TMEM132B: variants seen among roughly 807,000 people sequenced by gnomAD.
TMEM132B encodes the protein transmembrane protein 132B.
TMEM132B carries 18 observed loss-of-function variants against 90.8 expected under a neutral mutation model. The ratio of observed to expected loss-of-function variants is 0.20; its 90% CI spans 0.14 to 0.29. The LOEUF is 0.29. Among genes scored for constraint, TMEM132B ranks in the 10% least tolerant of loss-of-function variants. The pLI is 1.00. For synonymous variants in TMEM132B, 504 were observed against 523.3 expected, an observed-to-expected ratio of 0.96 and a Z score of 0.50; for missense variants, 1,096 against 1,326.8, an observed-to-expected ratio of 0.83 and a Z score of 2.70.
chr12:125,404,992 C>T (rs1055303230), intron 2 of TMEM132B, among the ~76,000 whole-genome samples: 1 of 152,214 alleles, frequency 6.6e-6, no homozygotes, highest in African/African-American at 2.4e-5. Flanking sequence ...ACACCTGTAG[C>T]ACTCCGTCTG....
At position 125,652,625 on chromosome 12, in the gene TMEM132B, C is replaced by G; in HGVS notation, c.2099C>G (p.Pro700Arg). The change falls in exon 8 of 9, where the codon CCA becomes CGA. Residue 700 changes from proline (P) to arginine (R), a missense_variant. Physicochemically the swap from Pro to Arg is moderately radical, Grantham distance 103 (BLOSUM62 -2). Transcript: ENST00000682704. The part of the protein sequence containing the change: ...TAAALDVLQS[P>R]QQEAIVSSWI... ...GCTGCCCTGGATGTTCTTCAGTCCCCACAGCAGGTGAGCGTTCCAGGGGCC... is the reference window on the plus strand; with the variant it reads ...GCTGCCCTGGATGTTCTTCAGTCCCGACAGCAGGTGAGCGTTCCAGGGGCC... 6.2e-7 allele frequency: 1 copy of G among 1,611,480 alleles called. No individual in the cohort carries two copies. The highest frequency in any genetic ancestry group is 8.5e-7 in the Non-Finnish European group (1 of 1,178,690).
chr12:125,383,204 A>G (rs948326162), intron 2 of TMEM132B, among the ~76,000 whole-genome samples: 7 of 152,082 alleles, frequency 4.6e-5, no homozygotes, highest in Admixed American at 1.3e-4. Context: ...GGATTGCAGT[A>G]GAGTGTGAGG....
chr12:125,621,229 G>T (rs997967474), intron 5 of TMEM132B, among the ~76,000 whole-genome samples: 2 of 152,126 alleles, frequency 1.3e-5, no homozygotes, highest in Admixed American at 6.6e-5. Context: ...GTTACTATTG[G>T]AGAGACGGGG....
At chr12:125,494,284 C>G (rs1882455047) in intron 3 of TMEM132B, among the ~76,000 whole-genome samples, 1 of 138,724 alleles carries the variant, frequency 7.2e-6, no homozygotes, top group Non-Finnish European at 1.6e-5. Context: ...CTGCATCCCT[C>G]CTCCCCCTCC....
intron 5 of TMEM132B, among the ~76,000 whole-genome samples, chr12:125,604,826 G>A (rs1222790719): frequency 6.6e-6 from 1 of 152,178 alleles, no homozygotes. Context: ...GGCACTTTGT[G>A]GCAGACAATT....
chr12:125,467,718 G>A (rs547215405), intron 3 of TMEM132B, among the ~76,000 whole-genome samples: 6 of 152,110 alleles, frequency 3.9e-5, no homozygotes, highest in Non-Finnish European at 5.9e-5. Context: ...AAACTATTTC[G>A]TCACCCTGTA....
At chr12:125,465,014 T>A (rs981194912) in intron 3 of TMEM132B, among the ~76,000 whole-genome samples, 4 of 152,244 alleles carry the variant, frequency 2.6e-5, no homozygotes, top group Non-Finnish European at 4.4e-5. Context: ...AATTTGCTAA[T>A]GTCACTTGTG....
chr12:125,494,963 TCCCTCCTCC>T (rs1882505998), intron 3 of TMEM132B, among the ~76,000 whole-genome samples: 1 of 104,194 alleles, frequency 9.6e-6, no homozygotes, highest in Non-Finnish European at 1.9e-5. Flanking sequence ...AATGGATGCG[TCCCTCCTCC>T]CCCTCCTCCC....
Position 125,254,902 on chromosome 12 carries a change from C to T in TMEM132B, c.67+68036C>T, listed in dbSNP as rs544000434. Among the ~76,000 whole-genome samples, 57 of 152,168 alleles carry T rather than the reference C, an allele frequency of 3.7e-4. 1 individual carries two copies. The highest frequency in any genetic ancestry group is 6.9e-4 in the Non-Finnish European group (47 of 67,992). On this transcript the variant is annotated intron_variant, in intron 1 of 8. Coordinates refer to ENST00000682704, the MANE Select transcript of TMEM132B (RefSeq NM_001366854.1). The stretch of plus-strand genomic sequence containing the variant: ...GTTTTGCCATGTTGGGCAGGCTGAT[C>T]TCAAACTCCTGATCTCAGGCAATCC...
chr12:125,285,128 C>T (rs1419181945), intron 1 of TMEM132B, among the ~76,000 whole-genome samples: 2 of 152,184 alleles, frequency 1.3e-5, no homozygotes, highest in Non-Finnish European at 2.9e-5. Context: ...TCTCATTGGA[C>T]CAACTTGTGT....
intron 2 of TMEM132B, among the ~76,000 whole-genome samples, chr12:125,390,814 C>CAA (rs72522586): frequency 0.63 from 95,857 of 151,674 alleles, 31,084 homozygotes; most frequent in East Asian, 0.95. Context: ...ACTGAAACCT[C>CAA]GAGAGAGAGA....
chr12:125,581,937 G>A (rs1885063412), intron 4 of TMEM132B, among the ~76,000 whole-genome samples: 1 of 152,118 alleles, frequency 6.6e-6, no homozygotes, highest in Non-Finnish European at 1.5e-5. Context: ...GCAGAGGGGA[G>A]TGCTCAGGAA....
intron 4 of TMEM132B, among the ~76,000 whole-genome samples, chr12:125,580,573 C>T (rs913406522): frequency 6.6e-6 from 1 of 152,190 alleles, no homozygotes; most frequent in African/African-American, 2.4e-5. Flanking sequence ...GATACTACAG[C>T]ACTAGAAAGT....
intron 5 of TMEM132B, among the ~76,000 whole-genome samples, chr12:125,606,306 T>C (rs898535550): frequency 2.1e-5 from 3 of 144,666 alleles, no homozygotes; most frequent in African/African-American, 7.8e-5. Context: ...CAAGGACTGA[T>C]TTCTTTCCTT....
At chr12:125,202,909 C>T (rs1248689544) in intron 1 of TMEM132B, among the ~76,000 whole-genome samples, 1 of 152,160 alleles carries the variant, frequency 6.6e-6, no homozygotes, top group Non-Finnish European at 1.5e-5. Flanking sequence ...ATGAACTTCC[C>T]CAGTACGTGA....
chr12:125,452,918 A>G (rs1388461034), intron 3 of TMEM132B, among the ~76,000 whole-genome samples: 2 of 151,978 alleles, frequency 1.3e-5, no homozygotes, highest in African/African-American at 4.8e-5. Context: ...TTCCCTTCAC[A>G]TTTTCATGGA....
chr12:125,253,042 G>A (rs753312457), intron 1 of TMEM132B, among the ~76,000 whole-genome samples: 34 of 152,202 alleles, frequency 2.2e-4, no homozygotes, highest in Admixed American at 5.2e-4. Context: ...CTTCCTCCTC[G>A]AGAGATGCTG....
rs60739492 is a variant in TMEM132B at position 125,260,922 on chromosome 12, TTGTG to T, written c.67+74081_67+74084del. On this transcript the variant is annotated intron_variant, in intron 1 of 8. Transcript: ENST00000682704. ...CAGAGCGAGACCCTGTCTCTACAGATTGTGTGTGTGTGTGTGTGTGTGTGTGTGA... is the reference window on the plus strand; with the variant it reads ...CAGAGCGAGACCCTGTCTCTACAGATTGTGTGTGTGTGTGTGTGTGTGTGA... 6.7e-5 allele frequency among the ~76,000 whole-genome samples: 10 copies of T among 148,248 alleles called. 1 individual carries two copies. In the South Asian group the frequency reaches 1.7e-3, roughly 26 times the overall value.
intron 3 of TMEM132B, among the ~76,000 whole-genome samples, chr12:125,515,911 CACAT>C (rs1358643861): frequency 3.8e-5 from 2 of 52,340 alleles, no homozygotes; most frequent in Admixed American, 2.6e-4. Flanking sequence ...CACACACAAA[CACAT>C]GTACATATCC....
Sources: allele counts gnomAD v4.1 joint callset (sites outside exome capture counted in the v4.1 genomes callset), GRCh38; gene constraint gnomAD v4.1.1; transcripts MANE v1.5; gene names NCBI Gene and HGNC (gene_info 2026-07-23, HGNC 2026-07-21).